DTX4: variants seen among roughly 807,000 people sequenced by gnomAD.
DTX4 encodes the protein deltex E3 ubiquitin ligase 4.
DTX4 carries 28 observed loss-of-function variants against 57.6 expected under a neutral mutation model. The ratio of observed to expected loss-of-function variants is 0.49; its 90% CI spans 0.36 to 0.67. The LOEUF is 0.67. Among genes scored for constraint, DTX4 ranks in the 30% least tolerant of loss-of-function variants. The probability of loss-of-function intolerance (pLI) is 0.00; values close to 1 mark genes in which losing one functional copy is unlikely to be tolerated. For missense variants in DTX4, 715 were observed against 836.8 expected (o/e 0.85, Z 1.80); for synonymous variants, 316 against 331.0 (o/e 0.95, Z 0.49).
intron 7 of DTX4, among the ~76,000 whole-genome samples, chr11:59,199,003 G>A (rs1862708438): frequency 6.6e-6 from 1 of 152,124 alleles, no homozygotes; most frequent in South Asian, 2.1e-4. Flanking sequence ...CTACTTAATA[G>A]GGTATTGGGT....
chr11:59,182,733 T>C (rs189802781), intron 2 of DTX4, among the ~76,000 whole-genome samples: 61 of 152,300 alleles, frequency 4.0e-4, no homozygotes, highest in African/African-American at 1.3e-3. Context: ...GAGTCCTAAC[T>C]TTCTCATCTG....
At position 59,174,501 on chromosome 11, in the gene DTX4, G is replaced by GAAAA. The variant is rs71036507; in HGVS notation, c.211+1704_211+1707dup. ...CATCTGACAGGGGATTCCAGTCCTG[G>GAAAA]AAAAAAAAAAAAGCAGGTGTTACCT... On this transcript the variant is annotated intron_variant, in intron 1 of 8. Transcript: ENST00000227451. Among the ~76,000 whole-genome samples the GAAAA allele has an allele frequency of 5.1e-5, 6 of 118,040 alleles. 1 individual carries two copies. Among genetic ancestry groups the GAAAA allele is most frequent in the Middle Eastern group, 7.9e-3 (2 of 252 alleles). The allele number at this position is 118,040 out of a possible 152,430, so 77.4% of individuals were successfully genotyped here.
chr11:59,189,030 G>T (rs1181467374), intron 3 of DTX4, 132 bp from the exon 4 acceptor site: 38 of 1,148,906 alleles, frequency 3.3e-5, no homozygotes, highest in Non-Finnish European at 4.6e-5. Flanking sequence ...GAAAGTACAG[G>T]GTAGAGAATC....
chr11:59,195,395 T>C, intron 7 of DTX4, 26 bp downstream of exon 7: 1 of 1,579,314 alleles, frequency 6.3e-7, no homozygotes, highest in Non-Finnish European at 8.6e-7. Context: ...AGGTGAGCCT[T>C]TCTGTCACCC....
intron 1 of DTX4, among the ~76,000 whole-genome samples, chr11:59,176,630 C>T (rs1026173015): frequency 5.9e-5 from 9 of 152,210 alleles, no homozygotes; most frequent in African/African-American, 1.7e-4. Context: ...CATGCCCTAA[C>T]GGCAGTGAGT....
chr11:59,199,819 G>A lies in DTX4; in HGVS notation c.1626+46G>A, dbSNP rs1057355102. The A allele has an allele frequency of 1.4e-5, 21 of 1,508,312 alleles. No homozygotes were observed. In the Admixed American group the frequency reaches 3.6e-4, roughly 26 times the overall value. 93.4% of individuals were successfully genotyped at this position (1,508,312 alleles called of 1,614,324 possible). A position where few individuals can be genotyped will look rare whatever the true frequency, so the allele number is the denominator to read the frequency against. On this transcript the variant is annotated intron_variant, in intron 8 of 8. Transcript: ENST00000227451. ...ATAGAACTAGGTTTTAGAATAGATC[G>A]GGCAGTTTACTTCTATGTCAAGGCC...
intron 4 of DTX4, 87 bp downstream of exon 4, chr11:59,189,410 C>T (rs1862569270): frequency 7.6e-7 from 1 of 1,321,784 alleles, no homozygotes; most frequent in South Asian, 1.5e-5. Flanking sequence ...GGGTCATAGC[C>T]ACGGCTTCAC....
At chr11:59,200,675 A>G (rs117796361) in intron 8 of DTX4, among the ~76,000 whole-genome samples, 6 of 152,212 alleles carry the variant, frequency 3.9e-5, no homozygotes, top group African/African-American at 1.4e-4. Context: ...ATTCCTAGTG[A>G]TTCATGATTA....
chr11:59,196,279 C>T (rs1862667864), intron 7 of DTX4, among the ~76,000 whole-genome samples: 2 of 152,076 alleles, frequency 1.3e-5, no homozygotes, highest in Admixed American at 1.3e-4. Context: ...TCTAGTGGGG[C>T]CAGGAAGGCC....
Position 59,182,423 on chromosome 11 carries a change from G to T in DTX4, c.896G>T (p.Arg299Leu), listed in dbSNP as rs368757950. 3 of 1,612,504 alleles carry T rather than the reference G, an allele frequency of 1.9e-6. No homozygotes were observed. The highest frequency in any genetic ancestry group is 2.2e-5 in the East Asian group (1 of 44,858). Residue 299 changes from arginine (R) to leucine (L), a missense_variant, in exon 2 of 9, where the codon CGA (arginine) becomes CTA (leucine). By Grantham distance (102) the Arg-to-Leu change is moderately radical. Transcript: ENST00000227451. The stretch of plus-strand genomic sequence containing the variant: ...ACCTTGAATCGTACCAACCTGCAGC[G>T]ACTGGCCATTGCCCAGTCCCGGGTG... The part of the protein sequence containing the change: ...LATLNRTNLQ[R>L]LAIAQSRVLI...
At chr11:59,176,169 C>T (rs982084510) in intron 1 of DTX4, among the ~76,000 whole-genome samples, 15 of 152,138 alleles carry the variant, frequency 9.9e-5, no homozygotes, top group Admixed American at 6.5e-4. Context: ...GTTTTAGCCC[C>T]GCCACAAAAC....
At chr11:59,202,264 A>G (rs1258951148) in intron 8 of DTX4, among the ~76,000 whole-genome samples, 1 of 152,182 alleles carries the variant, frequency 6.6e-6, no homozygotes, top group Non-Finnish European at 1.5e-5. Flanking sequence ...ATTGAAGTAT[A>G]ATTAGAGGAT....
At position 59,183,334 on chromosome 11, in the gene DTX4, G is replaced by A. The variant is rs563413487; in HGVS notation, c.935+872G>A. ...TATTTTTAGTGATGACTTATTATGT[G>A]CCAGGCACTTTCCATACATTGTCTC... On this transcript the variant is annotated intron_variant, in intron 2 of 8. Transcript: ENST00000227451. Among the ~76,000 whole-genome samples the A allele has an allele frequency of 7.9e-5, 12 of 152,196 alleles. No individual in the cohort carries two copies. In the South Asian group the frequency reaches 2.1e-3, roughly 26 times the overall value.
Position 59,204,840 on chromosome 11 carries a change from G to A in DTX4, c.1791G>A (p.Leu597=), listed in dbSNP as rs1212465434. Residue 597 remains leucine, a synonymous_variant, in exon 9 of 9, where the codon CTG becomes CTA. Coordinates refer to ENST00000227451, the MANE Select transcript of DTX4 (RefSeq NM_015177.2). ...TGHGYPDANY[L]DNVLAELAAQ... is the part of the protein sequence containing the mutation. ...ATGGCTACCCAGATGCCAATTACCT[G>A]GATAATGTGCTGGCTGAACTGGCTG... 1 of 1,609,188 alleles carries A rather than the reference G, an allele frequency of 6.2e-7. No homozygotes were observed. Among genetic ancestry groups the A allele is most frequent in the South Asian group, 1.1e-5 (1 of 90,038 alleles).
At chr11:59,181,123 C>T (rs1429727146) in intron 1 of DTX4, among the ~76,000 whole-genome samples, 1 of 152,072 alleles carries the variant, frequency 6.6e-6, no homozygotes, top group Non-Finnish European at 1.5e-5. Flanking sequence ...GCAGAGTCTT[C>T]CCTCAGTCCT....
chr11:59,182,125 G>A lies in DTX4; in HGVS notation c.598G>A (p.Val200Ile). ...SCPQCVLVMSVKAAVVNGSTG... is the reference protein window; with the variant it reads ...SCPQCVLVMSIKAAVVNGSTG... ...TCCCCAGTGTGTCTTGGTGATGAGT[G>A]TTAAGGCAGCCGTGGTCAATGGCAG... The change falls in exon 2 of 9, where the codon GTT (valine) becomes ATT (isoleucine). Residue 200 changes from valine (V) to isoleucine (I), a missense_variant. Transcript: ENST00000227451. 6.2e-7 allele frequency: 1 copy of A among 1,613,494 alleles called. No homozygotes were observed.
intron 2 of DTX4, among the ~76,000 whole-genome samples, chr11:59,186,489 G>T (rs888844624): frequency 2.0e-5 from 3 of 152,154 alleles, no homozygotes; most frequent in Non-Finnish European, 2.9e-5. Context: ...CAGGACACAG[G>T]AAGCCGGGTC....
In DTX4 at chr11:59,200,025, G is replaced by A. The variant is rs1204330607; in HGVS notation, c.1626+252G>A. ...AGCCTGTTCTCACGCTGCTAATAAA[G>A]ACATAAATGAAACTGGGTAATTTAT... On this transcript the variant is annotated intron_variant, in intron 8 of 8. Transcript: ENST00000227451. Among the ~76,000 whole-genome samples the A allele has an allele frequency of 3.3e-5, 5 of 152,154 alleles. No individual in the cohort carries two copies. The East Asian group carries it at 7.7e-4, about 23-fold the overall frequency.
Position 59,205,105 on chromosome 11 carries a change from A to T in DTX4, c.*196A>T. 1 of 554,258 alleles carries T rather than the reference A, an allele frequency of 1.8e-6. No individual in the cohort carries two copies. The highest frequency in any genetic ancestry group is 3.2e-6 in the Non-Finnish European group (1 of 309,828). The allele number at this position is 554,258 out of a possible 1,614,324, so 34.3% of individuals were successfully genotyped here. A position where few individuals can be genotyped will look rare whatever the true frequency, so the allele number is the denominator to read the frequency against. ...TATAGCGACATCATTCATAAATCTC[A>T]TCCAACACAAAGGGAGATGGGATGA... On this transcript the variant is annotated 3_prime_UTR_variant, in exon 9 of 9. Transcript: ENST00000227451.
Sources: allele counts gnomAD v4.1 joint callset (sites outside exome capture counted in the v4.1 genomes callset), GRCh38; gene constraint gnomAD v4.1.1; transcripts MANE v1.5; gene names NCBI Gene and HGNC (gene_info 2026-07-23, HGNC 2026-07-21).